ACBD6: variants seen among roughly 807,000 people sequenced by gnomAD.
ACBD6 encodes acyl-CoA-binding domain-containing protein 6.
In ACBD6, 28 loss-of-function variants were observed where a neutral mutation model predicts 37.2. The ratio of observed to expected loss-of-function variants is 0.75; its 90% CI spans 0.56 to 1.03. The LOEUF is 1.03. Ranked by LOEUF, ACBD6 falls within the 50% of genes least tolerant of loss-of-function variation. ACBD6 has a pLI of 0.00. For synonymous variants in ACBD6, 113 were observed against 126.8 expected, an observed-to-expected ratio of 0.89 and a Z score of 0.73; for missense variants, 340 against 337.4, an observed-to-expected ratio of 1.01 and a Z score of -0.06.
intron 5 of ACBD6, among the ~76,000 whole-genome samples, chr1:180,402,259 A>T (rs1453383628): frequency 1.3e-5 from 2 of 152,132 alleles, no homozygotes; most frequent in African/African-American, 4.8e-5. Context: ...TCCATAGTGA[A>T]ATGACAATGT....
rs142197552 is a variant in ACBD6, at chr1:180,352,434, C to T, written c.664-37712G>A. Among the ~76,000 whole-genome samples, 29 of 152,204 alleles carry T rather than the reference C, an allele frequency of 1.9e-4. No homozygotes were observed. In the East Asian group the frequency reaches 5.6e-3, roughly 29 times the overall value. ...CTTACTCCTGACCTAAGGTGATCCA[C>T]TCGCCTCAGCCTCCGAAAAGCTGGG... On this transcript the variant is annotated intron_variant, in intron 6 of 7. Coordinates refer to ENST00000367595, the MANE Select transcript of ACBD6 (RefSeq NM_032360.4).
intron 7 of ACBD6, among the ~76,000 whole-genome samples, chr1:180,290,250 G>A (rs78975414): frequency 0.072 from 10,878 of 152,064 alleles, 417 homozygotes; most frequent in African/African-American, 0.11. Context: ...GTGCAGTGGC[G>A]AGATCATGGC....
rs781282820 is a variant in ACBD6, at chr1:180,502,153, C to T, written c.114G>A (p.Glu38=). 1.2e-6 allele frequency: 2 copies of T among 1,613,988 alleles called. No individual in the cohort carries two copies. The highest frequency in any genetic ancestry group is 3.3e-5 in the Admixed American group (2 of 60,004). The part of the protein sequence containing the change: ...VEFPHSPEIE[E]TSCLAELFEK... The stretch of plus-strand genomic sequence containing the variant: ...CAAACAGCTCGGCCAGGCAACTGGT[C>T]TCCTCGATCTCAGGGCTATGGGGGA... The change falls in exon 1 of 8, where the codon GAG becomes GAA. Residue 38 remains glutamate, a synonymous_variant. Coordinates refer to ENST00000367595, the MANE Select transcript of ACBD6 (RefSeq NM_032360.4).
At chr1:180,274,172 C>T (rs1648876352) in intron 10 of ACBD6, 2 of 1,614,066 alleles carry the variant, frequency 1.2e-6, no homozygotes, top group Non-Finnish European at 1.7e-6. Context: ...AATCTCCGTT[C>T]TTTTGTCCAC....
chr1:180,358,568 CAAAAGA>C (rs1424293525), intron 6 of ACBD6, among the ~76,000 whole-genome samples: 7 of 149,370 alleles, frequency 4.7e-5, no homozygotes, highest in Non-Finnish European at 8.9e-5. Context: ...AAAAAAACCC[CAAAAGA>C]AAAACAATTT....
chr1:180,339,534 G>A (rs1651891114), intron 6 of ACBD6, among the ~76,000 whole-genome samples: 1 of 13,108 alleles, frequency 7.6e-5, no homozygotes, highest in Non-Finnish European at 1.3e-4. Flanking sequence ...CCTGTTGTAG[G>A]GTGGAAGGAG....
chr1:180,390,861 G>A lies in ACBD6; in HGVS notation c.663+6655C>T, dbSNP rs552904681. ...TCCTAAAATTCACATGGAAATTCAC[G>A]GGGCCCAGAATAGCCAAAACAACTT... On this transcript the variant is annotated intron_variant, in intron 6 of 7. Transcript: ENST00000367595. Among the ~76,000 whole-genome samples the A allele has an allele frequency of 8.3e-4, 126 of 152,038 alleles. 1 individual carries two copies. Among genetic ancestry groups the A allele is most frequent in the African/African-American group, 2.8e-3 (115 of 41,478 alleles).
chr1:180,338,837 A>C (rs996843860), intron 6 of ACBD6, among the ~76,000 whole-genome samples: 3 of 148,576 alleles, frequency 2.0e-5, no homozygotes, highest in Admixed American at 1.3e-4. Context: ...TTTATAAGAA[A>C]AAAACAAACA....
chr1:180,285,012 T>C (rs1649437824), downstream of ACBD6, among the ~76,000 whole-genome samples: 1 of 152,052 alleles, frequency 6.6e-6, no homozygotes, highest in South Asian at 2.1e-4. Context: ...GGTGTGCACC[T>C]GTGGTCCCAG....
chr1:180,437,166 C>T (rs1649073770), intron 3 of ACBD6, among the ~76,000 whole-genome samples: 2 of 152,276 alleles, frequency 1.3e-5, no homozygotes, highest in South Asian at 4.1e-4. Context: ...TCCTTTGTAA[C>T]ATCCTTTATA....
intron 3 of ACBD6, among the ~76,000 whole-genome samples, chr1:180,436,434 C>T (rs976847623): frequency 1.3e-5 from 2 of 152,144 alleles, no homozygotes; most frequent in Admixed American, 6.5e-5. Flanking sequence ...TACACCAAAA[C>T]GTCTGCAGAG....
At chr1:180,405,837 T>C (rs1481803948) in intron 5 of ACBD6, among the ~76,000 whole-genome samples, 1 of 152,112 alleles carries the variant, frequency 6.6e-6, no homozygotes, top group Non-Finnish European at 1.5e-5. Flanking sequence ...GGAAGAATCA[T>C]AAATATTTGG....
chr1:180,328,869 TC>T (rs1244218757), intron 6 of ACBD6, among the ~76,000 whole-genome samples: 1 of 152,140 alleles, frequency 6.6e-6, no homozygotes, highest in African/African-American at 2.4e-5. Flanking sequence ...AGTTAAGCTT[TC>T]AGCTGCAGGT....
chr1:180,435,577 C>T, intron 3 of ACBD6: 1 of 1,038,588 alleles, frequency 9.6e-7, no homozygotes, highest in Admixed American at 1.8e-5. Flanking sequence ...CTGCAAAGTC[C>T]CGAGTAACCC....
intron 13 of ACBD6, chr1:180,272,533 CACTT>C (rs1648733840): frequency 6.4e-6 from 1 of 155,334 alleles, no homozygotes; most frequent in East Asian, 1.9e-4. Context: ...CCCCACCACT[CACTT>C]CATTCTGTCC....
intron 3 of ACBD6, among the ~76,000 whole-genome samples, chr1:180,477,572 C>T (rs1001071776): frequency 2.0e-5 from 3 of 151,778 alleles, no homozygotes; most frequent in Non-Finnish European, 4.4e-5. Flanking sequence ...ATCATTAGAA[C>T]GAATTTTTTT....
chr1:180,443,363 T>G (rs2102016255), intron 3 of ACBD6, among the ~76,000 whole-genome samples: 1 of 152,294 alleles, frequency 6.6e-6, no homozygotes, highest in East Asian at 1.9e-4. Flanking sequence ...ACTGCTTTCT[T>G]ATGTTTCTTT....
chr1:180,313,346 T>C (rs1056505479), intron 7 of ACBD6, among the ~76,000 whole-genome samples: 4 of 152,192 alleles, frequency 2.6e-5, no homozygotes, highest in Non-Finnish European at 5.9e-5. Context: ...GGCTGACATA[T>C]GTAGGTAGTA....
intron 3 of ACBD6, among the ~76,000 whole-genome samples, chr1:180,457,817 A>C (rs1413527227): frequency 4.3e-5 from 6 of 140,454 alleles, no homozygotes. Flanking sequence ...TTTGAGACGG[A>C]GTTTCGCTCT....
Sources: allele counts gnomAD v4.1 joint callset (sites outside exome capture counted in the v4.1 genomes callset), GRCh38; gene constraint gnomAD v4.1.1; transcripts MANE v1.5; gene names NCBI Gene and HGNC (gene_info 2026-07-23, HGNC 2026-07-21).